LRRC7: variants seen among roughly 807,000 people sequenced by gnomAD.
The protein encoded by LRRC7 is leucine-rich repeat-containing protein 7.
In LRRC7, 23 loss-of-function variants were observed where a neutral mutation model predicts 175.7. The ratio of observed to expected loss-of-function variants is 0.13; its 90% CI spans 0.09 to 0.19. LRRC7 has a LOEUF of 0.19. Ranked by LOEUF, LRRC7 falls within the 10% of genes least tolerant of loss-of-function variation. The pLI is 1.00. For synonymous variants in LRRC7, 685 were observed against 680.9 expected, an observed-to-expected ratio of 1.01 and a Z score of -0.09; for missense variants, 1,354 against 1,904.7, an observed-to-expected ratio of 0.71 and a Z score of 5.38.
At chr1:69,798,076 C>T (rs977017029) in intron 4 of LRRC7, among the ~76,000 whole-genome samples, 19 of 152,092 alleles carry the variant, frequency 1.2e-4, no homozygotes, top group Non-Finnish European at 2.5e-4. Flanking sequence ...CGCCTGTCAA[C>T]ACGCCCAGCT....
chr1:69,700,192 T>A (rs1663168642), intron 2 of LRRC7, among the ~76,000 whole-genome samples: 1 of 152,166 alleles, frequency 6.6e-6, no homozygotes, highest in African/African-American at 2.4e-5. Context: ...AGGTTGTAGA[T>A]CCTGAAGCCA....
intron 8 of LRRC7, among the ~76,000 whole-genome samples, chr1:69,946,438 GT>G (rs2019325782): frequency 6.6e-6 from 1 of 151,902 alleles, no homozygotes; most frequent in South Asian, 2.1e-4. Flanking sequence ...ATCAAGTCCT[GT>G]TTTTTGGGTA....
chr1:69,696,285 T>C (rs1662575464), intron 2 of LRRC7, among the ~76,000 whole-genome samples: 1 of 152,258 alleles, frequency 6.6e-6, no homozygotes, highest in African/African-American at 2.4e-5. Context: ...TCTGCCCTGC[T>C]GGGTTTCAGA....
Position 70,141,170 on chromosome 1 carries a change from C to T in LRRC7, c.*19283C>T, listed in dbSNP as rs1368499136. Reference sequence around the variant, plus strand: ...ATAAGAGGACATTGTTAACTGGTGGCTGCAAATGAGCAAGGGAGCTTCATT... The same window carrying T: ...ATAAGAGGACATTGTTAACTGGTGGTTGCAAATGAGCAAGGGAGCTTCATT... On this transcript the variant is annotated 3_prime_UTR_variant, in exon 27 of 27. Coordinates refer to ENST00000651989, the MANE Select transcript of LRRC7 (RefSeq NM_001370785.2). 6.6e-6 allele frequency among the ~76,000 whole-genome samples: 1 copy of T among 152,052 alleles called. No individual in the cohort carries two copies. Among genetic ancestry groups the T allele is most frequent in the Non-Finnish European group, 1.5e-5 (1 of 67,990 alleles).
chr1:70,023,493 C>A, intron 17 of LRRC7, 119 bp downstream of exon 17: 2 of 1,071,708 alleles, frequency 1.9e-6, no homozygotes, highest in Non-Finnish European at 2.5e-6. Flanking sequence ...TAGAAACCTT[C>A]AAATTGCCAG....
chr1:69,898,839 G>C (rs899652237), intron 7 of LRRC7, among the ~76,000 whole-genome samples: 10 of 152,176 alleles, frequency 6.6e-5, no homozygotes, highest in Non-Finnish European at 1.5e-4. Flanking sequence ...TTCTAAGAGG[G>C]TTAAAAGTTG....
At chr1:69,618,490 C>CTA (rs989954483) in intron 1 of LRRC7, among the ~76,000 whole-genome samples, 2 of 152,266 alleles carry the variant, frequency 1.3e-5, no homozygotes, top group Non-Finnish European at 2.9e-5. Context: ...GTTGGAGAGG[C>CTA]TATATCCTTT....
chr1:70,028,712 A>G (rs1261580782), intron 18 of LRRC7, among the ~76,000 whole-genome samples: 1 of 152,132 alleles, frequency 6.6e-6, no homozygotes, highest in Non-Finnish European at 1.5e-5. Flanking sequence ...AGAAAGACTA[A>G]TCCAAGGTTT....
chr1:69,970,434 TGAAAC>T (rs1411905142), intron 8 of LRRC7, among the ~76,000 whole-genome samples: 1 of 151,948 alleles, frequency 6.6e-6, no homozygotes, highest in Non-Finnish European at 1.5e-5. Context: ...CAATTAGAAA[TGAAAC>T]GAGAGATATT....
chr1:70,084,745 G>A (rs1187614391), intron 24 of LRRC7, among the ~76,000 whole-genome samples: 1 of 152,112 alleles, frequency 6.6e-6, no homozygotes, highest in Non-Finnish European at 1.5e-5. Context: ...TTCTAAAAGT[G>A]GTTACAACAT....
In LRRC7 at chr1:70,076,208, C is replaced by A; in HGVS notation, c.4362C>A (p.Ile1454=). The change falls in exon 24 of 27, where the codon ATC becomes ATA. Residue 1454 remains isoleucine, a synonymous_variant. Coordinates refer to ENST00000651989, the MANE Select transcript of LRRC7 (RefSeq NM_001370785.2). Reference sequence around the variant, plus strand: ...TTCAGTCACCATTGCCTATTCAGATCCCCTCTTCACAGGCCACCCGGGGAC... The same window carrying A: ...TTCAGTCACCATTGCCTATTCAGATACCCTCTTCACAGGCCACCCGGGGAC... ...QQFQSPLPIQ[I]PSSQATRGPQ... 3 of 1,614,100 alleles carry A rather than the reference C, an allele frequency of 1.9e-6. No individual in the cohort carries two copies. Among genetic ancestry groups the A allele is most frequent in the South Asian group, 1.1e-5 (1 of 91,086 alleles).
At chr1:69,801,093 C>T (rs184393017) in intron 4 of LRRC7, among the ~76,000 whole-genome samples, 22 of 151,572 alleles carry the variant, frequency 1.5e-4, no homozygotes, top group South Asian at 8.3e-4. Flanking sequence ...CCAACTTGAT[C>T]TTTTTGATGT....
At chr1:69,726,027 A>T (rs1051475699) in intron 2 of LRRC7, among the ~76,000 whole-genome samples, 6 of 152,246 alleles carry the variant, frequency 3.9e-5, no homozygotes, top group African/African-American at 1.4e-4. Flanking sequence ...TATAACCATT[A>T]ACCTAGAGAA....
At chr1:69,671,039 A>G (rs962353462) in intron 1 of LRRC7, among the ~76,000 whole-genome samples, 5 of 152,020 alleles carry the variant, frequency 3.3e-5, no homozygotes, top group African/African-American at 4.8e-5. Flanking sequence ...GTGCAAGACA[A>G]TGTCCCCTTT....
At chr1:69,728,700 A>C (rs1191617604) in intron 2 of LRRC7, among the ~76,000 whole-genome samples, 1 of 152,212 alleles carries the variant, frequency 6.6e-6, no homozygotes, top group Non-Finnish European at 1.5e-5. Context: ...ACTTATTTGC[A>C]ATAAAGGAAG....
At chr1:69,592,948 A>AT (rs934152952) in intron 1 of LRRC7, among the ~76,000 whole-genome samples, 8 of 151,964 alleles carry the variant, frequency 5.3e-5, no homozygotes, top group Non-Finnish European at 8.8e-5. Context: ...AGTTTTTAGC[A>AT]TTTTTTCTTT....
chr1:70,026,693 A>G (rs1028200786), intron 17 of LRRC7, among the ~76,000 whole-genome samples: 1 of 152,150 alleles, frequency 6.6e-6, no homozygotes, highest in Non-Finnish European at 1.5e-5. Flanking sequence ...GAGTTTAAAG[A>G]GATTAAACTA....
At chr1:69,761,574 T>C (rs1671037602) in intron 3 of LRRC7, among the ~76,000 whole-genome samples, 1 of 151,942 alleles carries the variant, frequency 6.6e-6, no homozygotes, top group South Asian at 2.1e-4. Context: ...GATATTTCCT[T>C]AGATGACACT....
chr1:69,643,443 C>T (rs940772527), intron 1 of LRRC7, among the ~76,000 whole-genome samples: 1 of 152,088 alleles, frequency 6.6e-6, no homozygotes, highest in African/African-American at 2.4e-5. Flanking sequence ...CACATGAGGG[C>T]CCAACAAAAC....
Sources: allele counts gnomAD v4.1 joint callset (sites outside exome capture counted in the v4.1 genomes callset), GRCh38; gene constraint gnomAD v4.1.1; transcripts MANE v1.5; gene names NCBI Gene and HGNC (gene_info 2026-07-23, HGNC 2026-07-21).